The following RBBP8 variants were observed in gnomAD, a reference collection of about 807,000 sequenced individuals.
RBBP8 encodes the protein RB binding protein 8, endonuclease.
In RBBP8, 88 loss-of-function variants were observed where a neutral mutation model predicts 108.3. The ratio of observed to expected loss-of-function variants is 0.81; its 90% CI spans 0.68 to 0.97. The LOEUF (loss-of-function observed/expected upper bound fraction) is 0.97, where lower values mean the gene tolerates loss of function less well. Ranked by LOEUF, RBBP8 falls within the 50% of genes least tolerant of loss-of-function variation. The pLI is 0.00. For synonymous variants in RBBP8, 332 were observed against 348.2 expected, an observed-to-expected ratio of 0.95 and a Z score of 0.52; for missense variants, 1,023 against 1,049.0, an observed-to-expected ratio of 0.98 and a Z score of 0.34.
intron 9 of RBBP8, among the ~76,000 whole-genome samples, chr18:22,990,376 C>T (rs766696980): frequency 1.3e-5 from 2 of 152,196 alleles, no homozygotes; most frequent in Admixed American, 6.5e-5. Flanking sequence ...TTAAATTCAT[C>T]TCCTATCAGT....
At chr18:23,019,265 G>A (rs1318406695) in intron 17 of RBBP8, among the ~76,000 whole-genome samples, 2 of 152,292 alleles carry the variant, frequency 1.3e-5, no homozygotes, top group East Asian at 1.9e-4. Flanking sequence ...TAGAAACACT[G>A]TTAAGTTACA....
chr18:22,972,991 G>A (rs150039410), intron 5 of RBBP8, among the ~76,000 whole-genome samples: 5 of 152,200 alleles, frequency 3.3e-5, no homozygotes, highest in Middle Eastern at 3.4e-3. Context: ...GCGTGAAAGC[G>A]CCTTTTCTTG....
At chr18:22,938,945 T>A (rs1266906828) in intron 2 of RBBP8, among the ~76,000 whole-genome samples, 1 of 152,234 alleles carries the variant, frequency 6.6e-6, no homozygotes, top group East Asian at 1.9e-4. Flanking sequence ...TAAGCAATTG[T>A]GGTTGAGATG....
At chr18:22,946,812 G>A (rs537713162) in intron 3 of RBBP8, among the ~76,000 whole-genome samples, 4 of 152,010 alleles carry the variant, frequency 2.6e-5, no homozygotes, top group South Asian at 2.1e-4. Flanking sequence ...ATTTGTCAGC[G>A]GAGTTCTTTG....
intron 16 of RBBP8, 119 bp from the exon 17 acceptor site, chr18:23,016,709 C>A: frequency 2.5e-6 from 2 of 790,206 alleles, no homozygotes; most frequent in Admixed American, 2.0e-5. Flanking sequence ...AAGTATTTGA[C>A]GAAGCAATAT....
At chr18:22,948,978 T>C (rs1911799675) in intron 3 of RBBP8, among the ~76,000 whole-genome samples, 1 of 152,212 alleles carries the variant, frequency 6.6e-6, no homozygotes, top group Admixed American at 6.5e-5. Context: ...TTTTTCTCAC[T>C]ATAAAGTCAT....
At chr18:23,003,238 A>G (rs2045977272) in intron 15 of RBBP8, among the ~76,000 whole-genome samples, 1 of 152,212 alleles carries the variant, frequency 6.6e-6, no homozygotes, top group Admixed American at 6.5e-5. Flanking sequence ...ATTTCTGAGT[A>G]CTGTGAGATA....
At chr18:23,006,232 T>C (rs2046044996) in intron 15 of RBBP8, 131 bp from the exon 16 acceptor site, 1 of 754,720 alleles carries the variant, frequency 1.3e-6, no homozygotes, top group Non-Finnish European at 2.2e-6. Context: ...TTTAAATGAG[T>C]TGCTCAGAGG....
At position 22,993,703 on chromosome 18, in the gene RBBP8, CAATT is replaced by C. The variant is rs2045791301; in HGVS notation, c.1813-16_1813-13del. ...TGCTTGTGATTTCATTTAGAGCTAA[CAATT>C]ATTTCTGTTTTAGAGTGCTGGTTCT... On this transcript the variant is annotated splice_polypyrimidine_tract_variant and intron_variant, in intron 11 of 18. Coordinates refer to ENST00000327155, the MANE Select transcript of RBBP8 (RefSeq NM_002894.3). 1 of 1,614,020 alleles carries C rather than the reference CAATT, an allele frequency of 6.2e-7. No homozygotes were observed. Among genetic ancestry groups the C allele is most frequent in the Admixed American group, 1.7e-5 (1 of 60,006 alleles).
At chr18:22,968,974 C>A in intron 5 of RBBP8, 56 bp downstream of exon 5, 1 of 1,331,282 alleles carries the variant, frequency 7.5e-7, no homozygotes, top group Non-Finnish European at 1.1e-6. Context: ...ATTTTTAAGA[C>A]CTATTAGTAA....
intron 3 of RBBP8, among the ~76,000 whole-genome samples, chr18:22,918,632 T>G (rs1012510330): frequency 6.6e-6 from 1 of 152,226 alleles, no homozygotes; most frequent in Non-Finnish European, 1.5e-5. Context: ...AGCTTTTTTT[T>G]GTCTATTATC....
chr18:22,982,451 A>G lies in RBBP8; in HGVS notation c.604+58A>G, dbSNP rs561452074. 5.0e-6 allele frequency: 8 copies of G among 1,608,260 alleles called. No homozygotes were observed. The African/African-American group carries it at 1.1e-4, about 21-fold the overall frequency. ...TTTTGTAAACCAGTGTTCATCTACT[A>G]GTTTTTATGTTATTCAATCTAGTGA... is the stretch of plus-strand genomic sequence containing the variant. On this transcript the variant is annotated intron_variant, in intron 7 of 18. Transcript: ENST00000327155.
At chr18:22,988,651 C>G (rs1448668390) in intron 8 of RBBP8, among the ~76,000 whole-genome samples, 1 of 152,114 alleles carries the variant, frequency 6.6e-6, no homozygotes, top group African/African-American at 2.4e-5. Flanking sequence ...TCTCTTTTTA[C>G]CTTTCAACTA....
At chr18:22,992,247 A>T (rs747693612) in intron 10 of RBBP8, among the ~76,000 whole-genome samples, 1 of 152,152 alleles carries the variant, frequency 6.6e-6, no homozygotes, top group Non-Finnish European at 1.5e-5. Flanking sequence ...ACAGAGTCTC[A>T]CTCTGTCACC....
chr18:22,946,160 A>G (rs190648175), intron 2 of RBBP8, among the ~76,000 whole-genome samples: 46 of 152,316 alleles, frequency 3.0e-4, no homozygotes, highest in African/African-American at 1.1e-3. Context: ...ATAGACCTTC[A>G]TTTACAGTGA....
At chr18:22,992,001 C>T (rs1334708221) in intron 10 of RBBP8, among the ~76,000 whole-genome samples, 7 of 152,078 alleles carry the variant, frequency 4.6e-5, no homozygotes, top group Admixed American at 3.3e-4. Flanking sequence ...TGTTTCAGGC[C>T]ACATAGCTAT....
intron 18 of RBBP8, among the ~76,000 whole-genome samples, chr18:23,023,406 T>C (rs544729557): frequency 1.3e-5 from 2 of 152,360 alleles, no homozygotes; most frequent in African/African-American, 2.4e-5. Flanking sequence ...TGTTTAGATA[T>C]GACACTTACA....
rs1338875041 is a variant in RBBP8, at chr18:22,992,840, G to C, written c.1013G>C (p.Ser338Thr). 16 of 1,613,006 alleles carry C rather than the reference G, an allele frequency of 9.9e-6. No individual in the cohort carries two copies. The highest frequency in any genetic ancestry group is 4.0e-5 in the African/African-American group (3 of 74,976). ...PVFGATSSIK[S>T]GLDLNTSLSP... ...TTTGGAGCTACCTCTAGTATCAAAA[G>C]TGGTTTAGATTTGAATACAAGTTTG... Residue 338 changes from serine (S) to threonine (T), a missense_variant, in exon 11 of 19, where the codon AGT becomes ACT. Coordinates refer to ENST00000327155, the MANE Select transcript of RBBP8 (RefSeq NM_002894.3).
At chr18:23,009,390 A>T (rs1006802247) in intron 16 of RBBP8, among the ~76,000 whole-genome samples, 32 of 150,844 alleles carry the variant, frequency 2.1e-4, no homozygotes, top group South Asian at 2.1e-4. Flanking sequence ...TTTTTTTTTT[A>T]AAGTCATTTG....
Sources: gnomAD v4.1 joint callset for allele counts (sites outside exome capture counted in the v4.1 genomes callset) on GRCh38, gnomAD v4.1.1 for gene constraint, MANE v1.5 for transcripts, NCBI Gene and HGNC (gene_info 2026-07-23, HGNC 2026-07-21) for gene names.